The following SNTB1 variants were observed in gnomAD, a reference collection of about 807,000 sequenced individuals.
SNTB1 encodes beta-1-syntrophin.
SNTB1 carries 36 observed loss-of-function variants against 48.9 expected under a neutral mutation model. The observed-to-expected ratio is 0.74, with a 90% CI of 0.56 to 0.97. The LOEUF (loss-of-function observed/expected upper bound fraction) is 0.97, where lower values mean the gene tolerates loss of function less well. SNTB1 is among the 50% of genes least tolerant of loss of function. SNTB1 has a pLI of 0.00. For missense variants in SNTB1, 786 were observed against 703.4 expected (o/e 1.12, Z -1.33); for synonymous variants, 299 against 294.6 (o/e 1.01, Z -0.15).
At chr8:120,732,042 C>T (rs1421173336) in intron 1 of SNTB1, among the ~76,000 whole-genome samples, 2 of 152,152 alleles carry the variant, frequency 1.3e-5, no homozygotes, top group East Asian at 1.9e-4. Context: ...TTTGAGGATG[C>T]TTATCTCTCC....
chr8:120,783,959 T>C (rs2130135269), intron 1 of SNTB1, among the ~76,000 whole-genome samples: 1 of 152,280 alleles, frequency 6.6e-6, no homozygotes, highest in Middle Eastern at 3.4e-3. Flanking sequence ...GGAAAATGTG[T>C]GTAGGTTACA....
intron 1 of SNTB1, among the ~76,000 whole-genome samples, chr8:120,730,707 T>C (rs1415143715): frequency 2.0e-5 from 3 of 152,228 alleles, no homozygotes; most frequent in Non-Finnish European, 4.4e-5. Context: ...TTTTGAACTT[T>C]AATCTCATCT....
chr8:120,649,541 C>A (rs1172060767), intron 2 of SNTB1, among the ~76,000 whole-genome samples: 4 of 139,042 alleles, frequency 2.9e-5, no homozygotes, highest in Non-Finnish European at 6.2e-5. Context: ...TCTCCAGCTG[C>A]GTGCTGGGAG....
chr8:120,575,102 G>C lies in SNTB1; in HGVS notation c.1120C>G (p.Pro374Ala), dbSNP rs1355466142. The C allele has an allele frequency of 1.9e-6, 3 of 1,614,014 alleles. No homozygotes were observed. The highest frequency in any genetic ancestry group is 2.5e-6 in the Non-Finnish European group (3 of 1,180,012). Residue 374 changes from proline to alanine, a missense_variant, in exon 4 of 7, where the codon CCT becomes GCT. Pro to Ala is a conservative substitution (Grantham distance 27). Coordinates refer to ENST00000517992, the MANE Select transcript of SNTB1 (RefSeq NM_021021.4). ...CATGGCTACCTGGTGGCAAGAAGAG[G>C]GTATGTGTGAACTGGGCTGAACCAG... ...EAWFSPVHTYPLLATRLVHSG... is the reference protein window; with the variant it reads ...EAWFSPVHTYALLATRLVHSG...
At chr8:120,798,896 T>C (rs1366205104) in intron 1 of SNTB1, among the ~76,000 whole-genome samples, 2 of 152,084 alleles carry the variant, frequency 1.3e-5, no homozygotes, top group Non-Finnish European at 2.9e-5. Context: ...TAGTATATTA[T>C]GTCTCCTCTG....
chr8:120,684,633 T>C (rs1198207674), intron 2 of SNTB1, among the ~76,000 whole-genome samples: 1 of 148,018 alleles, frequency 6.8e-6, no homozygotes, highest in African/African-American at 2.6e-5. Context: ...ACCAAATCTA[T>C]ACCCAACAGG....
rs537470422 is a variant in SNTB1 at position 120,665,843 on chromosome 8, C to A, written c.788+27849G>T. ...TAAAATACTATTTTTCTTGAATTGC[C>A]TTTGTACTTCTCTTGAAAGTCAATT... On this transcript the variant is annotated intron_variant, in intron 2 of 6. Coordinates refer to ENST00000517992, the MANE Select transcript of SNTB1 (RefSeq NM_021021.4). Among the ~76,000 whole-genome samples the A allele has an allele frequency of 1.1e-4, 16 of 152,128 alleles. No individual in the cohort carries two copies. In the East Asian group the frequency reaches 3.1e-3, roughly 29 times the overall value.
intron 1 of SNTB1, among the ~76,000 whole-genome samples, chr8:120,802,898 G>A (rs1820253050): frequency 6.6e-6 from 1 of 152,056 alleles, no homozygotes; most frequent in Admixed American, 6.6e-5. Flanking sequence ...TTGTAGTTAA[G>A]TAATTTGCAC....
chr8:120,732,356 A>T (rs1486458203), intron 1 of SNTB1, among the ~76,000 whole-genome samples: 1 of 152,208 alleles, frequency 6.6e-6, no homozygotes, highest in Non-Finnish European at 1.5e-5. Context: ...CTCATGCTTT[A>T]AAGTAGACTT....
rs116804175 is a variant in SNTB1, at chr8:120,806,727, A to G, written c.571+4546T>C. Among the ~76,000 whole-genome samples, 1,076 of 152,276 alleles carry G rather than the reference A, an allele frequency of 7.1e-3. 10 individuals carry two copies. Among genetic ancestry groups the G allele is most frequent in the African/African-American group, 0.025 (1,035 of 41,544 alleles). On this transcript the variant is annotated intron_variant, in intron 1 of 6. Coordinates refer to ENST00000517992, the MANE Select transcript of SNTB1 (RefSeq NM_021021.4). ...GAAAACTAAGCCCTAAAAAGATGAAATTTCTTGTAAAAGTGAAACTAGTAG... is the reference window on the plus strand; with the variant it reads ...GAAAACTAAGCCCTAAAAAGATGAAGTTTCTTGTAAAAGTGAAACTAGTAG...
chr8:120,542,855 A>T (rs999997805), intron 5 of SNTB1, among the ~76,000 whole-genome samples: 2 of 152,178 alleles, frequency 1.3e-5, no homozygotes, highest in Admixed American at 1.3e-4. Flanking sequence ...ATTTTTTAAT[A>T]GTATAAAAAA....
intron 2 of SNTB1, among the ~76,000 whole-genome samples, chr8:120,649,494 GGGACCCACTTGA>G (rs2129708583): frequency 7.1e-6 from 1 of 141,760 alleles, no homozygotes; most frequent in South Asian, 2.5e-4. Context: ...TCAGGGGTCA[GGGACCCACTTGA>G]GGAGGCAGTC....
At chr8:120,756,187 T>G (rs1355684513) in intron 1 of SNTB1, among the ~76,000 whole-genome samples, 1 of 152,206 alleles carries the variant, frequency 6.6e-6, no homozygotes, top group Non-Finnish European at 1.5e-5. Context: ...CTTATTTGTT[T>G]TAATTTTTAA....
At chr8:120,737,437 A>G (rs1818966559) in intron 1 of SNTB1, among the ~76,000 whole-genome samples, 1 of 152,238 alleles carries the variant, frequency 6.6e-6, no homozygotes, top group Admixed American at 6.5e-5. Flanking sequence ...GGAACATACT[A>G]AGAGAGGAAG....
chr8:120,655,471 A>C (rs902768876), intron 2 of SNTB1, among the ~76,000 whole-genome samples: 4 of 152,206 alleles, frequency 2.6e-5, no homozygotes, highest in Non-Finnish European at 4.4e-5. Flanking sequence ...AATGGTATTA[A>C]TGTGTCTATT....
intron 1 of SNTB1, among the ~76,000 whole-genome samples, chr8:120,700,179 T>TGTGTGTGTGTGTGTGTGTGTGTGTG: frequency 1.8e-5 from 2 of 109,594 alleles, no homozygotes; most frequent in African/African-American, 8.2e-5. Flanking sequence ...GTGTGTGTGT[T>TGTGTGTGTGTGTGTGTGTGTGTGTG]TGTGTGTGTG....
chr8:120,783,556 T>C (rs889217399), intron 1 of SNTB1, among the ~76,000 whole-genome samples: 5 of 152,202 alleles, frequency 3.3e-5, no homozygotes, highest in African/African-American at 1.2e-4. Flanking sequence ...TTTTTTCAAA[T>C]TCTCCCTCCT....
intron 1 of SNTB1, among the ~76,000 whole-genome samples, chr8:120,794,706 A>G (rs944516934): frequency 6.6e-6 from 1 of 152,032 alleles, no homozygotes; most frequent in Non-Finnish European, 1.5e-5. Flanking sequence ...ATTTACTGCC[A>G]TCTCATTCCT....
At chr8:120,739,608 T>C (rs1351729857) in intron 1 of SNTB1, among the ~76,000 whole-genome samples, 4 of 152,154 alleles carry the variant, frequency 2.6e-5, no homozygotes, top group Non-Finnish European at 5.9e-5. Context: ...TTGGGCATAG[T>C]AGAAGAAGAA....
Sources: gnomAD v4.1 joint callset for allele counts (sites outside exome capture counted in the v4.1 genomes callset) on GRCh38, gnomAD v4.1.1 for gene constraint, MANE v1.5 for transcripts, NCBI Gene and HGNC (gene_info 2026-07-23, HGNC 2026-07-21) for gene names.